RBFOX1: variants seen among roughly 807,000 people sequenced by gnomAD.
The protein encoded by RBFOX1 is RNA binding fox-1 homolog 1.
A neutral mutation model predicts 57.7 loss-of-function variants in RBFOX1; 8 were observed. The observed-to-expected ratio is 0.14, with a 90% CI of 0.08 to 0.25. The LOEUF is 0.25. RBFOX1 is among the 10% of genes least tolerant of loss of function. The pLI, the probability that RBFOX1 is intolerant of heterozygous loss-of-function variation, is 1.00. For missense variants in RBFOX1, 611 were observed against 548.5 expected (o/e 1.11, Z -1.14); for synonymous variants, 326 against 222.4 (o/e 1.47, Z -4.15).
At chr16:5,576,567 C>T (rs2046463678) in intron 2 of RBFOX1, among the ~76,000 whole-genome samples, 1 of 152,206 alleles carries the variant, frequency 6.6e-6, no homozygotes, top group Admixed American at 6.5e-5. Flanking sequence ...CTGCCCCTTT[C>T]CCCCGTAGAC....
intron 3 of RBFOX1, among the ~76,000 whole-genome samples, chr16:6,892,826 C>CTCTA (rs2065844740): frequency 1.6e-5 from 2 of 125,566 alleles, no homozygotes; most frequent in Non-Finnish European, 3.4e-5. Context: ...CTCTCTCTCT[C>CTCTA]TATTCTGCTT....
chr16:6,409,402 G>A (rs2093386160), intron 2 of RBFOX1, among the ~76,000 whole-genome samples: 1 of 152,076 alleles, frequency 6.6e-6, no homozygotes, highest in African/African-American at 2.4e-5. Context: ...CAACGGGAGC[G>A]AAACCCGGTC....
intron 2 of RBFOX1, among the ~76,000 whole-genome samples, chr16:6,538,161 A>G (rs2096761138): frequency 6.6e-6 from 1 of 152,174 alleles, no homozygotes; most frequent in South Asian, 2.1e-4. Flanking sequence ...TCCAATAAGC[A>G]TGTGGAAATA....
chr16:5,308,140 G>A (rs950996434), intron 1 of RBFOX1, among the ~76,000 whole-genome samples: 3 of 152,070 alleles, frequency 2.0e-5, no homozygotes, highest in Non-Finnish European at 4.4e-5. Flanking sequence ...AGGAGTTCGA[G>A]ACCAGCCTAG....
At chr16:6,834,406 C>G (rs1166036792) in intron 3 of RBFOX1, among the ~76,000 whole-genome samples, 1 of 152,040 alleles carries the variant, frequency 6.6e-6, no homozygotes, top group African/African-American at 2.4e-5. Context: ...AATAAGATCT[C>G]TTGGGCTATT....
chr16:6,568,287 G>A (rs988501005), intron 2 of RBFOX1, among the ~76,000 whole-genome samples: 3 of 152,202 alleles, frequency 2.0e-5, no homozygotes, highest in East Asian at 1.9e-4. Flanking sequence ...GTCAGTGACA[G>A]TTGGAAGTAC....
chr16:5,977,803 C>A (rs574356221), intron 4 of RBFOX1, among the ~76,000 whole-genome samples: 1 of 152,170 alleles, frequency 6.6e-6, no homozygotes, highest in East Asian at 1.9e-4. Flanking sequence ...ACACCACCAT[C>A]AAGGTGGCTC....
chr16:5,621,937 C>A (rs1204124001), intron 3 of RBFOX1, among the ~76,000 whole-genome samples: 1 of 152,192 alleles, frequency 6.6e-6, no homozygotes, highest in African/African-American at 2.4e-5. Context: ...TGCCAAAAGC[C>A]ACTGGCCCAG....
chr16:6,483,561 A>C, intron 2 of RBFOX1: 10 of 1,532,844 alleles, frequency 6.5e-6, no homozygotes, highest in Non-Finnish European at 8.7e-6. Flanking sequence ...CGAGCGAAGA[A>C]GACTCTAAAA....
intron 4 of RBFOX1, among the ~76,000 whole-genome samples, chr16:5,918,492 C>G (rs575382647): frequency 4.6e-5 from 7 of 152,158 alleles, no homozygotes; most frequent in Non-Finnish European, 1.0e-4. Context: ...AGTTCCGTAT[C>G]GTAAGTCACC....
chr16:6,734,346 T>A (rs960434368), intron 3 of RBFOX1, among the ~76,000 whole-genome samples: 2 of 152,238 alleles, frequency 1.3e-5, no homozygotes, highest in African/African-American at 4.8e-5. Flanking sequence ...GGCTCAGTTT[T>A]GAATTCACAA....
intron 4 of RBFOX1, among the ~76,000 whole-genome samples, chr16:7,411,815 A>G (rs1344500218): frequency 1.3e-5 from 2 of 151,744 alleles, no homozygotes. Flanking sequence ...AGGCAGGAGA[A>G]TCACTTGAAC....
chr16:6,877,528 T>G (rs2062068372), intron 3 of RBFOX1, among the ~76,000 whole-genome samples: 1 of 152,152 alleles, frequency 6.6e-6, no homozygotes, highest in Non-Finnish European at 1.5e-5. Context: ...GCATCGACTC[T>G]CAGTGCTTGG....
chr16:6,029,135 T>A (rs2880653), intron 1 of RBFOX1, among the ~76,000 whole-genome samples: 19 of 152,220 alleles, frequency 1.2e-4, no homozygotes, highest in African/African-American at 4.6e-4. Flanking sequence ...TCTCACCCCA[T>A]GACTCTTTGA....
At chr16:6,420,384 T>C (rs968136318) in intron 2 of RBFOX1, among the ~76,000 whole-genome samples, 4 of 152,176 alleles carry the variant, frequency 2.6e-5, no homozygotes, top group Non-Finnish European at 5.9e-5. Context: ...TTTTTTACAC[T>C]TTCAACATTT....
intron 2 of RBFOX1, among the ~76,000 whole-genome samples, chr16:6,477,905 C>T (rs2095299196): frequency 1.3e-5 from 2 of 152,304 alleles, no homozygotes; most frequent in South Asian, 2.1e-4. Context: ...GTTACAGATA[C>T]TCCTCCTTGC....
chr16:6,588,997 C>G (rs968342997), intron 2 of RBFOX1, among the ~76,000 whole-genome samples: 1 of 152,084 alleles, frequency 6.6e-6, no homozygotes, highest in Non-Finnish European at 1.5e-5. Context: ...CCTAACTATC[C>G]TTTTTTCCAT....
At chr16:6,399,142 A>C (rs1013824022) in intron 2 of RBFOX1, among the ~76,000 whole-genome samples, 1 of 152,148 alleles carries the variant, frequency 6.6e-6, no homozygotes, top group Non-Finnish European at 1.5e-5. Context: ...GCCTCTTTTA[A>C]CCATGGCTGG....
chr16:5,322,098 C>A (rs1386544010), intron 1 of RBFOX1, among the ~76,000 whole-genome samples: 2 of 152,154 alleles, frequency 1.3e-5, no homozygotes, highest in Non-Finnish European at 2.9e-5. Flanking sequence ...GGGACCTGAA[C>A]CCTGACGCAT....
Sources: gnomAD v4.1 joint callset for allele counts (sites outside exome capture counted in the v4.1 genomes callset) on GRCh38, gnomAD v4.1.1 for gene constraint, MANE v1.5 for transcripts, NCBI Gene and HGNC (gene_info 2026-07-23, HGNC 2026-07-21) for gene names.